Variants in FBLN5 observed in about 807,000 individuals in gnomAD.
FBLN5 encodes the protein fibulin-5.
In FBLN5, 24 loss-of-function variants were observed where a neutral mutation model predicts 61.6. The observed-to-expected ratio is 0.39, with a 90% CI of 0.28 to 0.55. FBLN5 has a LOEUF of 0.55. Ranked by LOEUF, FBLN5 falls within the 20% of genes least tolerant of loss-of-function variation. FBLN5 has a pLI of 0.65. For missense variants in FBLN5, 470 were observed against 594.1 expected (o/e 0.79, Z 2.17); for synonymous variants, 213 against 219.8 (o/e 0.97, Z 0.27).
At position 91,943,029 on chromosome 14, in the gene FBLN5, T is replaced by C; in HGVS notation, c.18-68A>G. The stretch of plus-strand genomic sequence containing the variant: ...CAGGTCTAGGGGAGTGTGGGTCGCA[T>C]GCGGCCCGTGACGTGTAACGGTGAT... On this transcript the variant is annotated intron_variant, in intron 1 of 10. Coordinates refer to ENST00000342058, the MANE Select transcript of FBLN5 (RefSeq NM_006329.4). The surrounding 1 kb of genome is among the most constrained non-coding windows in gnomAD (Gnocchi z 4.0). 1.9e-6 allele frequency: 2 copies of C among 1,042,426 alleles called. No homozygotes were observed. The highest frequency in any genetic ancestry group is 1.4e-5 in the South Asian group (1 of 73,814). 64.6% of individuals were successfully genotyped at this position (1,042,426 alleles called of 1,614,324 possible). A position where few individuals can be genotyped will look rare whatever the true frequency, so the allele number is the denominator to read the frequency against.
At chr14:91,901,355 C>G (rs1374923480) in intron 4 of FBLN5, among the ~76,000 whole-genome samples, 2 of 152,146 alleles carry the variant, frequency 1.3e-5, no homozygotes, top group Non-Finnish European at 2.9e-5. Flanking sequence ...TTCCAAGAGC[C>G]CTTGGAAGAC....
intron 1 of FBLN5, chr14:91,946,612 TAA>T: frequency 1.1e-6 from 1 of 941,650 alleles, no homozygotes; most frequent in Non-Finnish European, 1.6e-6. Flanking sequence ...GCTCGCTGAA[TAA>T]AGACTGTGGG....
At chr14:91,886,801 G>A (rs1407483839) in intron 7 of FBLN5, among the ~76,000 whole-genome samples, 1 of 152,114 alleles carries the variant, frequency 6.6e-6, no homozygotes, top group Non-Finnish European at 1.5e-5. Context: ...GATAAGACAT[G>A]CTATTATTCC....
chr14:91,927,631 A>AAG (rs781409641), intron 4 of FBLN5, among the ~76,000 whole-genome samples: 5 of 152,202 alleles, frequency 3.3e-5, no homozygotes, highest in Non-Finnish European at 5.9e-5. Context: ...ACTAACTTAA[A>AAG]AGACATGTGC....
chr14:91,884,690 A>C (rs549498011), intron 7 of FBLN5, among the ~76,000 whole-genome samples: 1 of 152,336 alleles, frequency 6.6e-6, no homozygotes, highest in South Asian at 2.1e-4. Flanking sequence ...CGTCTCCCTG[A>C]GTAACTGTGC....
intron 4 of FBLN5, among the ~76,000 whole-genome samples, chr14:91,930,140 G>T (rs2055898831): frequency 6.6e-6 from 1 of 152,208 alleles, no homozygotes; most frequent in South Asian, 2.1e-4. Flanking sequence ...GATGAGATTT[G>T]AGATAATGAA....
chr14:91,881,181 G>A, intron 9 of FBLN5, 111 bp downstream of exon 9: 3 of 1,198,004 alleles, frequency 2.5e-6, no homozygotes, highest in Non-Finnish European at 3.7e-6. Context: ...TAGGTAGTAG[G>A]CCAGGTCCCC....
intron 4 of FBLN5, among the ~76,000 whole-genome samples, chr14:91,896,460 G>A (rs1303253837): frequency 7.5e-6 from 1 of 133,044 alleles, no homozygotes; most frequent in Non-Finnish European, 1.7e-5. Context: ...GGACCATGGT[G>A]CAGTCGGAAG....
chr14:91,923,717 T>C (rs1027892805), intron 4 of FBLN5, among the ~76,000 whole-genome samples: 1 of 152,174 alleles, frequency 6.6e-6, no homozygotes, highest in Non-Finnish European at 1.5e-5. Flanking sequence ...ATGAGTTATG[T>C]ACACCCCCCT....
intron 4 of FBLN5, among the ~76,000 whole-genome samples, chr14:91,904,610 C>T (rs558574064): frequency 6.6e-6 from 1 of 152,328 alleles, no homozygotes; most frequent in Non-Finnish European, 1.5e-5. Context: ...GCTGGAAGTC[C>T]AGGGTCAGGT....
Position 91,877,621 on chromosome 14 carries a change from G to A in FBLN5, c.1051C>T (p.Arg351Trp), listed in dbSNP as rs28939073. The A allele has an allele frequency of 8.1e-5, 131 of 1,613,952 alleles. No homozygotes were observed. The highest frequency in any genetic ancestry group is 3.2e-4 in the Admixed American group (19 of 60,010). Residue 351 changes from arginine to tryptophan, a missense_variant, in exon 10 of 11, where the codon CGG (arginine) becomes TGG (tryptophan). Arg to Trp is a moderately radical substitution (Grantham distance 101, BLOSUM62 -3). Coordinates refer to ENST00000342058, the MANE Select transcript of FBLN5 (RefSeq NM_006329.4). The part of the protein sequence containing the change: ...CRDQPFTILY[R>W]DMDVVSGRSV... The stretch of plus-strand genomic sequence containing the variant: ...CGTCCTGACACCACGTCCATGTCCC[G>A]GTACAAGATGGTAAAGGGCTGGTCT...
chr14:91,883,227 G>T, intron 7 of FBLN5, 151 bp from the exon 8 acceptor site: 1 of 790,060 alleles, frequency 1.3e-6, no homozygotes, highest in Non-Finnish European at 2.2e-6. Flanking sequence ...AGCACTTCTA[G>T]CAATGGAGAG....
intron 4 of FBLN5, among the ~76,000 whole-genome samples, chr14:91,914,489 A>C (rs970482467): frequency 2.0e-5 from 3 of 150,144 alleles, no homozygotes; most frequent in African/African-American, 4.9e-5. Context: ...AAAAAAAAAA[A>C]AAAAAAAAAA....
chr14:91,944,144 A>G (rs1303771950), intron 1 of FBLN5, among the ~76,000 whole-genome samples: 1 of 152,246 alleles, frequency 6.6e-6, no homozygotes, highest in Non-Finnish European at 1.5e-5. Context: ...AGCCTGGCCA[A>G]CATGGTGAAA....
At chr14:91,878,515 G>A (rs1166409929) in intron 9 of FBLN5, among the ~76,000 whole-genome samples, 1 of 152,146 alleles carries the variant, frequency 6.6e-6, no homozygotes, top group Non-Finnish European at 1.5e-5. Context: ...GTTGAGACGC[G>A]CGGTGGTGGC....
At position 91,937,182 on chromosome 14, in the gene FBLN5, G is replaced by C. The variant is rs367653955; in HGVS notation, c.144C>G (p.Thr48=). Residue 48 remains threonine, a synonymous_variant, in exon 4 of 11, where the codon ACC becomes ACG. Coordinates refer to ENST00000342058, the MANE Select transcript of FBLN5 (RefSeq NM_006329.4). ...TGTCTCCTCGGCAGGCCTCGGGGAT[G>C]GTTCGGCATTCATCAATATCTGAAA... ...GQCLDIDECR[T]IPEACRGDMM... is the part of the protein sequence containing the mutation. 1 of 1,614,130 alleles carries C rather than the reference G, an allele frequency of 6.2e-7. No homozygotes were observed. Among genetic ancestry groups the C allele is most frequent in the African/African-American group, 1.3e-5 (1 of 75,016 alleles).
intron 4 of FBLN5, among the ~76,000 whole-genome samples, chr14:91,921,783 A>G (rs1420480797): frequency 6.6e-6 from 1 of 152,210 alleles, no homozygotes; most frequent in Non-Finnish European, 1.5e-5. Context: ...GAGCCAGGAG[A>G]GAGTTCCAAA....
chr14:91,935,122 G>A (rs1218234192), intron 4 of FBLN5, among the ~76,000 whole-genome samples: 2 of 152,208 alleles, frequency 1.3e-5, no homozygotes, highest in Non-Finnish European at 2.9e-5. Context: ...CCTTACAAAA[G>A]GGCCATTATG....
rs181251797 is a variant in FBLN5, at chr14:91,871,816, C to T, written c.1186-1431G>A. 6.7e-3 allele frequency among the ~76,000 whole-genome samples: 1,017 copies of T among 151,486 alleles called. 4 individuals are homozygous for T. The highest frequency in any genetic ancestry group is 9.4e-3 in the Non-Finnish European group (639 of 67,896). ...AGGTTGCAGTGAATAGAGATCGCAC[C>T]ACTATACTCCACCCTGGACAACGGC... On this transcript the variant is annotated intron_variant, in intron 10 of 10. Transcript: ENST00000342058.
Sources: allele counts gnomAD v4.1 joint callset (sites outside exome capture counted in the v4.1 genomes callset), GRCh38; gene constraint gnomAD v4.1.1; non-coding constraint Gnocchi (gnomAD v3.1); transcripts MANE v1.5; gene names NCBI Gene and HGNC (gene_info 2026-07-23, HGNC 2026-07-21).